Variants in KDM6A observed in about 807,000 individuals in gnomAD.
KDM6A encodes lysine demethylase 6A, also known as lysine-specific demethylase 6A.
KDM6A carries 11 observed loss-of-function variants against 117.6 expected under a neutral mutation model. The observed-to-expected ratio is 0.09, with a 90% CI of 0.06 to 0.15. KDM6A has a LOEUF of 0.15. KDM6A is among the 10% of genes least tolerant of loss of function. The pLI, the probability that KDM6A is intolerant of heterozygous loss-of-function variation, is 1.00. For missense variants in KDM6A, 799 were observed against 1,077.3 expected (o/e 0.74, Z 3.62); for synonymous variants, 384 against 396.1 (o/e 0.97, Z 0.36).
chrX:44,923,196 G>A (rs754729351), intron 2 of KDM6A, among the ~76,000 whole-genome samples: 2 of 111,075 alleles, frequency 1.8e-5, no homozygotes, highest in Non-Finnish European at 3.8e-5. Flanking sequence ...ATTTGGTTAC[G>A]TTATGTGTTA....
At chrX:44,908,678 C>G (rs2146759117) in intron 2 of KDM6A, among the ~76,000 whole-genome samples, 1 of 111,793 alleles carries the variant, frequency 8.9e-6, no homozygotes, top group East Asian at 2.8e-4. Context: ...ACCTGTTGGT[C>G]AAAGCCTACC....
At chrX:44,926,913 G>T (rs1422261422) in intron 2 of KDM6A, among the ~76,000 whole-genome samples, 1 of 111,002 alleles carries the variant, frequency 9.0e-6, no homozygotes, top group Non-Finnish European at 1.9e-5. Flanking sequence ...ATCCTTACTT[G>T]GCCAGTAATT....
chrX:44,993,734 C>T (rs1006215858), intron 4 of KDM6A, among the ~76,000 whole-genome samples: 4 of 111,224 alleles, frequency 3.6e-5, no homozygotes, highest in East Asian at 2.8e-4. Context: ...GGCATGGTGG[C>T]GCGTGCCTGT....
intron 2 of KDM6A, among the ~76,000 whole-genome samples, chrX:44,952,823 C>T (rs2038096700): frequency 9.0e-6 from 1 of 110,890 alleles, no homozygotes; most frequent in African/African-American, 3.3e-5. Flanking sequence ...ACTGCATTGC[C>T]CAGGCTGCAG....
chrX:45,100,638 G>A (rs948586458), intron 27 of KDM6A, among the ~76,000 whole-genome samples: 4 of 110,412 alleles, frequency 3.6e-5, no homozygotes, highest in African/African-American at 1.3e-4. Flanking sequence ...TTTGTCTTAC[G>A]CCCCTGTAAT....
At chrX:45,088,894 G>A (rs1434228837) in intron 25 of KDM6A, among the ~76,000 whole-genome samples, 1 of 112,332 alleles carries the variant, frequency 8.9e-6, no homozygotes, top group Non-Finnish European at 1.9e-5. Flanking sequence ...GTGCATGTGC[G>A]TGATTGTTTG....
chrX:44,970,152 T>C (rs1443459892), intron 3 of KDM6A, among the ~76,000 whole-genome samples: 1 of 111,993 alleles, frequency 8.9e-6, no homozygotes, highest in East Asian at 2.8e-4. Context: ...CTAAGCATAA[T>C]GAGGGTAGAG....
intron 6 of KDM6A, among the ~76,000 whole-genome samples, chrX:45,029,242 T>C (rs1195027205): frequency 9.1e-6 from 1 of 110,342 alleles, no homozygotes; most frequent in Admixed American, 9.7e-5. Context: ...TGAGAGTTGC[T>C]TGGCCAACAT....
At chrX:44,956,219 C>G (rs1179755044) in intron 2 of KDM6A, among the ~76,000 whole-genome samples, 2 of 112,053 alleles carry the variant, frequency 1.8e-5, no homozygotes, top group African/African-American at 6.5e-5. Context: ...TTGTAGCCCT[C>G]TTTGTGTTAT....
chrX:45,051,755 CAG>C lies in KDM6A; in HGVS notation c.705_706del (p.Asn236SerfsTer26). ...GAAGCTTATGAACAACTTTTGCAGA[CAG>C]AGAATCTTTCTGCACAAGTAAAAGC... On this transcript the variant is annotated frameshift_variant, in exon 9 of 30. Transcript: ENST00000611820. LOFTEE classifies it high-confidence loss of function. The C allele has an allele frequency of 8.4e-7, 1 of 1,191,725 alleles. No individual in the cohort carries two copies.
At chrX:45,044,977 TAAGTA>T (rs1006574232) in intron 8 of KDM6A, among the ~76,000 whole-genome samples, 6 of 111,569 alleles carry the variant, frequency 5.4e-5, no homozygotes, top group Non-Finnish European at 9.4e-5. Flanking sequence ...ATCTATAATA[TAAGTA>T]TTTTACACGA....
chrX:44,900,386 A>C (rs191718632), intron 2 of KDM6A, among the ~76,000 whole-genome samples: 2 of 112,047 alleles, frequency 1.8e-5, no homozygotes, highest in African/African-American at 6.5e-5. Flanking sequence ...GCAGGGAATA[A>C]TTATTATTTC....
At chrX:44,934,538 C>T (rs2036854944) in intron 2 of KDM6A, among the ~76,000 whole-genome samples, 1 of 111,510 alleles carries the variant, frequency 9.0e-6, no homozygotes, top group Admixed American at 9.6e-5. Context: ...ACTTTCGTTC[C>T]TCCGGTCTGG....
intron 2 of KDM6A, among the ~76,000 whole-genome samples, chrX:44,921,699 A>G (rs1180946761): frequency 9.0e-6 from 1 of 111,112 alleles, no homozygotes; most frequent in Non-Finnish European, 1.9e-5. Context: ...ATTTTGTTTA[A>G]CTACTCATCC....
intron 2 of KDM6A, among the ~76,000 whole-genome samples, chrX:44,874,727 A>G (rs762163993): frequency 9.7e-6 from 1 of 103,015 alleles, no homozygotes; most frequent in East Asian, 3.1e-4. Flanking sequence ...TTAGTTAAGT[A>G]ATGGCTGCTC....
intron 4 of KDM6A, among the ~76,000 whole-genome samples, chrX:44,987,920 T>C (rs1382091528): frequency 3.5e-4 from 39 of 110,696 alleles, no homozygotes; most frequent in African/African-American, 1.3e-3. Context: ...ATCTTTGTGG[T>C]GTTCTCTGTA....
intron 2 of KDM6A, among the ~76,000 whole-genome samples, chrX:44,922,488 A>T (rs2036023631): frequency 9.1e-6 from 1 of 110,465 alleles, no homozygotes; most frequent in East Asian, 2.9e-4. Context: ...TGTTTGTTTG[A>T]AACAGAGTCT....
intron 27 of KDM6A, among the ~76,000 whole-genome samples, chrX:45,098,819 T>A (rs2046217121): frequency 8.9e-6 from 1 of 111,787 alleles, no homozygotes; most frequent in Non-Finnish European, 1.9e-5. Context: ...AGGGTACTGA[T>A]CTCCTTTAAT....
intron 2 of KDM6A, among the ~76,000 whole-genome samples, chrX:44,948,575 G>A (rs972700879): frequency 9.0e-6 from 1 of 111,604 alleles, no homozygotes; most frequent in Non-Finnish European, 1.9e-5. Context: ...ATTCTGAGCC[G>A]AACTTATGTA....
Sources: gnomAD v4.1 joint callset for allele counts (sites outside exome capture counted in the v4.1 genomes callset) on GRCh38, gnomAD v4.1.1 for gene constraint, MANE v1.5 for transcripts, NCBI Gene and HGNC (gene_info 2026-07-23, HGNC 2026-07-21) for gene names.